CSMD1: variants seen among roughly 807,000 people sequenced by gnomAD.
CSMD1 encodes CUB and Sushi multiple domains 1.
Under a neutral mutation model 417.5 loss-of-function variants are expected in CSMD1, and 213 were observed. The observed-to-expected ratio is 0.51, with a 90% CI of 0.46 to 0.57. The LOEUF (loss-of-function observed/expected upper bound fraction) is 0.57. Ranked by LOEUF, CSMD1 falls within the 20% of genes least tolerant of loss-of-function variation. The probability of loss-of-function intolerance (pLI) is 0.00; values close to 1 mark genes in which losing one functional copy is unlikely to be tolerated. For synonymous variants in CSMD1, 2,862 were observed against 1,736.8 expected, an observed-to-expected ratio of 1.65 and a Z score of -16.11; for missense variants, 6,923 against 4,529.7, an observed-to-expected ratio of 1.53 and a Z score of -15.17.
chr8:3,777,718 G>A (rs1416951190), intron 5 of CSMD1, among the ~76,000 whole-genome samples: 1 of 152,322 alleles, frequency 6.6e-6, no homozygotes, highest in East Asian at 1.9e-4. Flanking sequence ...CAGATGCAGA[G>A]TCTCAGGCCA....
chr8:4,008,072 G>C (rs971711809), intron 4 of CSMD1, among the ~76,000 whole-genome samples: 18 of 152,174 alleles, frequency 1.2e-4, no homozygotes, highest in Admixed American at 9.8e-4. Context: ...ACAAGTCCAG[G>C]AGGTTTTTTC....
intron 10 of CSMD1, among the ~76,000 whole-genome samples, chr8:3,507,714 G>A (rs1012062743): frequency 2.6e-5 from 4 of 152,284 alleles, no homozygotes; most frequent in African/African-American, 9.6e-5. Context: ...GTATGAGATG[G>A]TATCTCACTG....
chr8:4,824,653 C>G (rs1320137957), intron 1 of CSMD1, among the ~76,000 whole-genome samples: 1 of 152,126 alleles, frequency 6.6e-6, no homozygotes, highest in East Asian at 1.9e-4. Context: ...CAGAAGGAAT[C>G]TCATAACGAA....
chr8:4,860,705 A>T (rs977755659), intron 1 of CSMD1, among the ~76,000 whole-genome samples: 19 of 152,182 alleles, frequency 1.2e-4, no homozygotes, highest in African/African-American at 7.2e-5. Context: ...ACTCTGGAAT[A>T]AAGACAAATA....
rs544318370 is a variant in CSMD1 at position 4,827,072 on chromosome 8, T to A, written c.85+167260A>T. ...AACAGACTAAGAACAGGGAAAAAAA[T>A]TAAGTCCATGTTCTGGCAATGCCCT... On this transcript the variant is annotated intron_variant, in intron 1 of 69. Coordinates refer to ENST00000635120, the MANE Select transcript of CSMD1 (RefSeq NM_033225.6). Among the ~76,000 whole-genome samples the A allele has an allele frequency of 1.1e-4, 17 of 152,154 alleles. No homozygotes were observed. In the South Asian group the frequency reaches 2.9e-3, roughly 26 times the overall value.
intron 3 of CSMD1, among the ~76,000 whole-genome samples, chr8:4,082,905 A>G (rs1295108537): frequency 6.6e-6 from 1 of 151,402 alleles, no homozygotes; most frequent in African/African-American, 2.4e-5. Flanking sequence ...GACAATGATT[A>G]TTTCCAATTT....
At chr8:4,779,085 C>G (rs1167763529) in intron 1 of CSMD1, among the ~76,000 whole-genome samples, 1 of 152,158 alleles carries the variant, frequency 6.6e-6, no homozygotes, top group Non-Finnish European at 1.5e-5. Context: ...TTACGAGAGG[C>G]CGTATCCTCA....
In CSMD1 at chr8:3,142,487, T is replaced by C. The variant is rs1337890417; in HGVS notation, c.6219A>G (p.Gln2073=). ...TACCTTGGTAAGCAAGTTTAAATCC[T>C]TGCCGGTTTTGCGAATGGTCACTAT... ...HFYSDHSQNR[Q]GFKLAYQAYE... The change falls in exon 41 of 70, where the codon CAA becomes CAG. Residue 2073 remains glutamine, a synonymous_variant. Coordinates refer to ENST00000635120, the MANE Select transcript of CSMD1 (RefSeq NM_033225.6). 4 of 1,613,750 alleles carry C rather than the reference T, an allele frequency of 2.5e-6. No homozygotes were observed. The East Asian group carries it at 6.7e-5, about 27-fold the overall frequency.
intron 26 of CSMD1, among the ~76,000 whole-genome samples, chr8:3,273,795 T>A (rs1422544073): frequency 1.3e-5 from 2 of 152,094 alleles, no homozygotes; most frequent in Non-Finnish European, 2.9e-5. Flanking sequence ...TTATCATTTT[T>A]ATTGTATCTA....
intron 10 of CSMD1, among the ~76,000 whole-genome samples, chr8:3,568,503 T>G (rs996435361): frequency 6.6e-6 from 1 of 152,200 alleles, no homozygotes; most frequent in African/African-American, 2.4e-5. Flanking sequence ...TAATGAGCTT[T>G]AATAGCAACA....
chr8:4,742,749 T>C (rs553923322), intron 1 of CSMD1, among the ~76,000 whole-genome samples: 8 of 152,110 alleles, frequency 5.3e-5, no homozygotes, highest in South Asian at 4.1e-4. Context: ...GAAAAACAAA[T>C]GTATGGTCTA....
chr8:3,629,048 T>C (rs1796640040), intron 7 of CSMD1, among the ~76,000 whole-genome samples: 1 of 151,904 alleles, frequency 6.6e-6, no homozygotes, highest in Non-Finnish European at 1.5e-5. Context: ...TTCCAAGCCT[T>C]GGGGAACAGA....
intron 21 of CSMD1, among the ~76,000 whole-genome samples, chr8:3,349,195 T>C (rs906058805): frequency 6.6e-6 from 1 of 152,202 alleles, no homozygotes; most frequent in African/African-American, 2.4e-5. Context: ...GGATGCACAG[T>C]ATTCCTTTTC....
At chr8:4,603,443 A>T (rs554714285) in intron 2 of CSMD1, among the ~76,000 whole-genome samples, 10 of 152,282 alleles carry the variant, frequency 6.6e-5, no homozygotes, top group African/African-American at 2.4e-4. Flanking sequence ...CAGAATGTAC[A>T]GGAGTTAGCA....
At chr8:3,401,795 G>T (rs1342446914) in intron 15 of CSMD1, among the ~76,000 whole-genome samples, 4 of 152,080 alleles carry the variant, frequency 2.6e-5, no homozygotes, top group African/African-American at 2.4e-5. Flanking sequence ...CCATGACAAG[G>T]TTCCTTTAAT....
chr8:3,880,245 C>G (rs1416502500), intron 5 of CSMD1, among the ~76,000 whole-genome samples: 1 of 152,160 alleles, frequency 6.6e-6, no homozygotes, highest in African/African-American at 2.4e-5. Context: ...GAATCACCTT[C>G]TCTTAACATT....
chr8:3,091,410 T>C (rs1814934420), intron 48 of CSMD1, 106 bp downstream of exon 48: 1 of 788,202 alleles, frequency 1.3e-6, no homozygotes, highest in Non-Finnish European at 1.8e-6. Context: ...TTATTAATCT[T>C]TAAGAATTAG....
chr8:3,437,212 G>C (rs1814621386), intron 12 of CSMD1, among the ~76,000 whole-genome samples: 1 of 152,130 alleles, frequency 6.6e-6, no homozygotes, highest in Admixed American at 6.5e-5. Flanking sequence ...AATCCTGTCT[G>C]TTGCTCACTT....
intron 6 of CSMD1, among the ~76,000 whole-genome samples, chr8:3,749,182 A>G (rs570612986): frequency 1.3e-5 from 2 of 152,326 alleles, no homozygotes; most frequent in South Asian, 4.1e-4. Flanking sequence ...TTATTTAATT[A>G]TAATTAATGA....
Sources: allele counts gnomAD v4.1 joint callset (sites outside exome capture counted in the v4.1 genomes callset), GRCh38; gene constraint gnomAD v4.1.1; transcripts MANE v1.5; gene names NCBI Gene and HGNC (gene_info 2026-07-23, HGNC 2026-07-21).